Variants in FAM111A observed in about 807,000 individuals in gnomAD.
FAM111A encodes the protein FAM111 trypsin like peptidase A.
Under a neutral mutation model 3.3 loss-of-function variants are expected in FAM111A, and 8 were observed. The observed-to-expected ratio is 2.39, with a 90% CI of 1.40 to 4.32. The LOEUF is 4.32. FAM111A is among the 30% of genes most tolerant of loss of function. The pLI, the probability that FAM111A is intolerant of heterozygous loss-of-function variation, is 0.00. For synonymous variants in FAM111A, 227 were observed against 243.1 expected, an observed-to-expected ratio of 0.93 and a Z score of 0.62; for missense variants, 683 against 727.6, an observed-to-expected ratio of 0.94 and a Z score of 0.71.
Position 59,152,146 on chromosome 11 carries a change from A to T in FAM111A, c.478A>T (p.Ser160Cys). 1 of 1,614,162 alleles carries T rather than the reference A, an allele frequency of 6.2e-7. No individual in the cohort carries two copies. Among genetic ancestry groups the T allele is most frequent in the East Asian group, 2.2e-5 (1 of 44,876 alleles). Reference sequence around the variant, plus strand: ...CCAGGTGGTCATTACATTTTCCCAAAGTAAAAGTAAGCAGAAGGAAGATAA... The same window carrying T: ...CCAGGTGGTCATTACATTTTCCCAATGTAAAAGTAAGCAGAAGGAAGATAA... ...GGQVVITFSQ[S>C]KSKQKEDNHI... Residue 160 changes from serine (S) to cysteine (C), a missense_variant, in exon 6 of 6, where the codon AGT becomes TGT. By Grantham distance (112) the Ser-to-Cys change is moderately radical (BLOSUM62 -1). Coordinates refer to ENST00000675163, the MANE Select transcript of FAM111A (RefSeq NM_001312909.2).
At chr11:59,149,890 C>G (rs905897937) in intron 5 of FAM111A, among the ~76,000 whole-genome samples, 7 of 152,076 alleles carry the variant, frequency 4.6e-5, no homozygotes, top group Non-Finnish European at 5.9e-5. Flanking sequence ...GTTATCATAT[C>G]AAACCATTGT....
At chr11:59,147,700 T>G (rs1247214034) in intron 4 of FAM111A, among the ~76,000 whole-genome samples, 1 of 152,208 alleles carries the variant, frequency 6.6e-6, no homozygotes, top group Non-Finnish European at 1.5e-5. Context: ...TTACATAAAT[T>G]GGCAAAAAAA....
intron 4 of FAM111A, among the ~76,000 whole-genome samples, chr11:59,147,065 A>G (rs1380880148): frequency 6.6e-6 from 1 of 152,140 alleles, no homozygotes; most frequent in East Asian, 1.9e-4. Flanking sequence ...GGGTTTGGCA[A>G]CTCACACCTC....
At position 59,151,894 on chromosome 11, in the gene FAM111A, AG is replaced by A. The variant is rs1282680056; in HGVS notation, c.228del (p.Thr77GlnfsTer6). ...AGAAGACCAGACCATGCCCCAAAAT[AG>A]GACAATATATGTTACCTTGAAGGTA... ...NPEDQTMPQN[R>X]TIYVTLKVNH... On this transcript the variant is annotated frameshift_variant, in exon 6 of 6. Coordinates refer to ENST00000675163, the MANE Select transcript of FAM111A (RefSeq NM_001312909.2). LOFTEE classifies it low-confidence loss of function (END_TRUNC). 5.0e-6 allele frequency: 8 copies of A among 1,614,122 alleles called. No homozygotes were observed. Among genetic ancestry groups the A allele is most frequent in the Non-Finnish European group, 6.8e-6 (8 of 1,180,048 alleles).
chr11:59,151,799 A>C lies in FAM111A; in HGVS notation c.131A>C (p.Glu44Ala), dbSNP rs140634959. 1.2e-6 allele frequency: 2 copies of C among 1,608,542 alleles called. No homozygotes were observed. The highest frequency in any genetic ancestry group is 8.5e-7 in the Non-Finnish European group (1 of 1,178,526). ...TGCAGTACTTCTCTAATGAGGATGG[A>C]GTCTAGAGGAGACCCAAGAGCCACA... ...NNCSTSLMRM[E>A]SRGDPRATTN... The change falls in exon 6 of 6, where the codon GAG becomes GCG. Residue 44 changes from glutamate to alanine, a missense_variant. Physicochemically the swap from Glu to Ala is moderately radical, Grantham distance 107 (BLOSUM62 -1). This residue lies in a region of FAM111A where 557 missense variants were observed against 600.2 expected (regional missense o/e 0.93). Transcript: ENST00000675163.
At position 59,153,294 on chromosome 11, in the gene FAM111A, C is replaced by G; in HGVS notation, c.1626C>G (p.Gly542=). The G allele has an allele frequency of 6.2e-7, 1 of 1,614,144 alleles. No individual in the cohort carries two copies. The highest frequency in any genetic ancestry group is 8.5e-7 in the Non-Finnish European group (1 of 1,180,014). The change falls in exon 6 of 6, where the codon GGC becomes GGG. Residue 542 remains glycine, a synonymous_variant. Transcript: ENST00000675163. Reference sequence around the variant, plus strand: ...CTGAATTTTTCTTTGGGGCTTCCGGCTCCCCTGTGTTTGATTCAAAAGGTT... The same window carrying G: ...CTGAATTTTTCTTTGGGGCTTCCGGGTCCCCTGTGTTTGATTCAAAAGGTT... The part of the protein sequence containing the change: ...YDTEFFFGAS[G]SPVFDSKGSL...
rs1313170525 is a variant in FAM111A at position 59,152,673 on chromosome 11, G to A, written c.1005G>A (p.Gly335=). Residue 335 remains glycine, a synonymous_variant, in exon 6 of 6, where the codon GGG becomes GGA. Transcript: ENST00000675163. ...TTGAATTGCATAGAACAACGTTTGG[G>A]AAAGTAACAAAAAATTCTTCTTCGA... is the stretch of plus-strand genomic sequence containing the variant. ...TLFELHRTTF[G]KVTKNSSSIK... 2 of 1,614,008 alleles carry A rather than the reference G, an allele frequency of 1.2e-6. No homozygotes were observed. Among genetic ancestry groups the A allele is most frequent in the Admixed American group, 3.3e-5 (2 of 60,008 alleles).
In FAM111A at chr11:59,148,837, G is replaced by C. The variant is rs1307314721; in HGVS notation, c.-36G>C. 2.7e-6 allele frequency: 4 copies of C among 1,485,056 alleles called. No homozygotes were observed. In the South Asian group the frequency reaches 3.4e-5, roughly 13 times the overall value. The allele number at this position is 1,485,056 out of a possible 1,614,324, so 92.0% of individuals were successfully genotyped here. A position where few individuals can be genotyped will look rare whatever the true frequency, so the allele number is the denominator to read the frequency against. The stretch of plus-strand genomic sequence containing the variant: ...TATAATTTGAAAATTTGAAATTAGT[G>C]TTTCAGCTGAACCATCCGTTCATCT... On this transcript the variant is annotated 5_prime_UTR_variant, in exon 5 of 6. Coordinates refer to ENST00000675163, the MANE Select transcript of FAM111A (RefSeq NM_001312909.2).
intron 5 of FAM111A, among the ~76,000 whole-genome samples, chr11:59,150,589 T>G (rs988274117): frequency 6.6e-6 from 1 of 152,196 alleles, no homozygotes; most frequent in African/African-American, 2.4e-5. Flanking sequence ...ATTAAGCCTC[T>G]TTATTTAATT....
chr11:59,150,941 C>T (rs1861574476), intron 5 of FAM111A, among the ~76,000 whole-genome samples: 2 of 152,100 alleles, frequency 1.3e-5, no homozygotes, highest in African/African-American at 4.8e-5. Flanking sequence ...TTTATTGTTA[C>T]AAATAACTAC....
intron 4 of FAM111A, 44 bp downstream of exon 4, chr11:59,145,900 G>C (rs1392905837): frequency 6.6e-6 from 1 of 151,690 alleles, no homozygotes; most frequent in African/African-American, 2.4e-5. Flanking sequence ...CCTTTTTATT[G>C]ATTATTTACT....
At chr11:59,148,063 C>T (rs1436085086) in intron 4 of FAM111A, among the ~76,000 whole-genome samples, 2 of 152,200 alleles carry the variant, frequency 1.3e-5, no homozygotes, top group Non-Finnish European at 2.9e-5. Flanking sequence ...TATTGAGGTA[C>T]TAAGGACAGA....
chr11:59,149,946 A>G (rs1399541633), intron 5 of FAM111A, among the ~76,000 whole-genome samples: 1 of 152,218 alleles, frequency 6.6e-6, no homozygotes, highest in Non-Finnish European at 1.5e-5. Context: ...TCAAGAAAAA[A>G]GTTGAGGAAT....
In FAM111A at chr11:59,151,902, A is replaced by G. The variant is rs1565203934; in HGVS notation, c.234A>G (p.Ile78Met). The G allele has an allele frequency of 6.2e-7, 1 of 1,614,216 alleles. No individual in the cohort carries two copies. The highest frequency in any genetic ancestry group is 8.5e-7 in the Non-Finnish European group (1 of 1,180,032). The change falls in exon 6 of 6, where the codon ATA becomes ATG. Residue 78 changes from isoleucine (I) to methionine (M), a missense_variant. By Grantham distance (10) the Ile-to-Met change is conservative. Around this residue, in one of 3 missense-constraint regions of FAM111A, gnomAD observed 557 missense variants for 600.2 expected, o/e 0.93. Coordinates refer to ENST00000675163, the MANE Select transcript of FAM111A (RefSeq NM_001312909.2). ...AGACCATGCCCCAAAATAGGACAAT[A>G]TATGTTACCTTGAAGGTAAACCACA... is the stretch of plus-strand genomic sequence containing the variant. ...EDQTMPQNRT[I>M]YVTLKVNHRR...
intron 5 of FAM111A, among the ~76,000 whole-genome samples, chr11:59,151,542 T>C (rs1861659660): frequency 6.6e-6 from 1 of 152,218 alleles, no homozygotes; most frequent in African/African-American, 2.4e-5. Context: ...ACTAGTGTAG[T>C]GGTACCAAGA....
intron 4 of FAM111A, among the ~76,000 whole-genome samples, chr11:59,147,637 A>G (rs1938781): frequency 0.25 from 37,252 of 151,976 alleles, 4,780 homozygotes; most frequent in African/African-American, 0.33. Context: ...ATGGATAAAG[A>G]CCCCGTGAAC....
At chr11:59,147,695 T>G (rs1262141791) in intron 4 of FAM111A, among the ~76,000 whole-genome samples, 1 of 152,190 alleles carries the variant, frequency 6.6e-6, no homozygotes, top group African/African-American at 2.4e-5. Context: ...CACTGTTACA[T>G]AAATTGGCAA....
chr11:59,149,255 T>C (rs1050929157), intron 5 of FAM111A: 43 of 249,990 alleles, frequency 1.7e-4, no homozygotes, highest in African/African-American at 9.1e-4. Flanking sequence ...ATTTTTTTTT[T>C]CCCAAAATAT....
In FAM111A at chr11:59,153,362, A is replaced by G. The variant is rs1861966245; in HGVS notation, c.1694A>G (p.Gln565Arg). 1 of 1,614,190 alleles carries G rather than the reference A, an allele frequency of 6.2e-7. No homozygotes were observed. The highest frequency in any genetic ancestry group is 8.5e-7 in the Non-Finnish European group (1 of 1,180,030). Residue 565 changes from glutamine to arginine, a missense_variant, in exon 6 of 6, where the codon CAA (glutamine) becomes CGA (arginine). Gln to Arg is a conservative substitution (Grantham distance 43). This residue lies in a region of FAM111A where 122 missense variants were observed against 110.9 expected (regional missense o/e 1.10). Transcript: ENST00000675163. ...GCTGCTGGCTTTGCTTATACTTACC[A>G]AAATGAGACTCGTAGTATCATTGAG... ...MHAAGFAYTY[Q>R]NETRSIIEFG...
Sources: allele counts gnomAD v4.1 joint callset (sites outside exome capture counted in the v4.1 genomes callset), GRCh38; gene constraint gnomAD v4.1.1; regional missense constraint gnomAD v4.1.1; transcripts MANE v1.5; gene names NCBI Gene and HGNC (gene_info 2026-07-23, HGNC 2026-07-21).